The following TENM2 variants were observed in gnomAD, a reference collection of about 807,000 sequenced individuals.
TENM2 encodes the protein teneurin-2.
TENM2 carries 52 observed loss-of-function variants against 245.2 expected under a neutral mutation model. The ratio of observed to expected loss-of-function variants is 0.21; its 90% CI spans 0.17 to 0.27. The LOEUF is 0.27. TENM2 is among the 10% of genes least tolerant of loss of function. TENM2 has a pLI of 1.00. For missense variants in TENM2, 3,046 were observed against 3,666.8 expected, an observed-to-expected ratio of 0.83 and a Z score of 4.37; for synonymous variants, 1,363 against 1,438.9, an observed-to-expected ratio of 0.95 and a Z score of 1.19.
chr5:167,338,329 C>T lies in TENM2; in HGVS notation c.227-36869C>T, dbSNP rs377143420. Reference sequence around the variant, plus strand: ...TATCAACCCTAACAATGAAAAGTCTCAGTGATTTAAACAACACATTCATTC... The same window carrying T: ...TATCAACCCTAACAATGAAAAGTCTTAGTGATTTAAACAACACATTCATTC... On this transcript the variant is annotated intron_variant, in intron 1 of 28. Coordinates refer to ENST00000518659, the Ensembl canonical transcript of TENM2. Among the ~76,000 whole-genome samples the T allele has an allele frequency of 3.9e-5, 6 of 152,284 alleles. No individual in the cohort carries two copies. The South Asian group carries it at 1.0e-3, about 26-fold the overall frequency.
At chr5:167,339,251 A>G (rs763774350) in intron 1 of TENM2, among the ~76,000 whole-genome samples, 4 of 152,210 alleles carry the variant, frequency 2.6e-5, no homozygotes, top group Non-Finnish European at 5.9e-5. Flanking sequence ...GACAAGTTAT[A>G]TGCTTTCAAA....
At chr5:168,128,446 T>A (rs1796009637) in intron 12 of TENM2, among the ~76,000 whole-genome samples, 1 of 152,176 alleles carries the variant, frequency 6.6e-6, no homozygotes, top group Non-Finnish European at 1.5e-5. Context: ...AATCCTCCCC[T>A]CAAAAGCTCT....
chr5:167,968,024 C>A (rs1315012530), intron 4 of TENM2, among the ~76,000 whole-genome samples: 3 of 152,150 alleles, frequency 2.0e-5, no homozygotes, highest in African/African-American at 7.2e-5. Context: ...TGCAACTTTT[C>A]TGAAGGCACC....
intron 2 of TENM2, among the ~76,000 whole-genome samples, chr5:167,781,611 A>G (rs755593014): frequency 1.3e-5 from 2 of 152,206 alleles, no homozygotes; most frequent in Admixed American, 6.5e-5. Flanking sequence ...AGAATAAATG[A>G]AAGTGATCAG....
At chr5:167,782,400 C>A (rs1484856784) in intron 2 of TENM2, among the ~76,000 whole-genome samples, 2 of 150,066 alleles carry the variant, frequency 1.3e-5, no homozygotes, top group Admixed American at 6.6e-5. Flanking sequence ...CATTGTTCAT[C>A]AAACTTGGCC....
At position 167,292,783 on chromosome 5, in the gene TENM2, A is replaced by G. The variant is rs553919820; in HGVS notation, c.226+7720A>G. Among the ~76,000 whole-genome samples the G allele has an allele frequency of 2.0e-5, 3 of 152,360 alleles. No individual in the cohort carries two copies. In the South Asian group the frequency reaches 6.2e-4, roughly 32 times the overall value. On this transcript the variant is annotated intron_variant, in intron 1 of 28. Transcript: ENST00000518659. ...CTAGGTACCTTATAAAAAACACTAC[A>G]AAAGGGATAATATTGGATGGTTTTG...
At chr5:166,993,585 A>G in the TENM2 span, among the ~76,000 whole-genome samples, 1 of 152,210 alleles carries the variant, frequency 6.6e-6, no homozygotes, top group Non-Finnish European at 1.5e-5. Context: ...ACCATGACTC[A>G]TGGGGAAAAC....
intron 2 of TENM2, among the ~76,000 whole-genome samples, chr5:167,750,240 C>G (rs1041232136): frequency 6.6e-5 from 10 of 152,104 alleles, no homozygotes; most frequent in African/African-American, 2.4e-4. Flanking sequence ...TCCCCATCAC[C>G]CTTCCCTTGC....
At chr5:167,249,743 A>G in the TENM2 span, among the ~76,000 whole-genome samples, 5 of 152,158 alleles carry the variant, frequency 3.3e-5, no homozygotes, top group Non-Finnish European at 7.4e-5. Context: ...CAAGGAATCA[A>G]GACAGACTTC....
At chr5:167,478,120 T>A (rs1767514092) in intron 2 of TENM2, among the ~76,000 whole-genome samples, 2 of 152,134 alleles carry the variant, frequency 1.3e-5, no homozygotes, top group Non-Finnish European at 2.9e-5. Flanking sequence ...GAAGTTGCAG[T>A]GTGGTTCTTG....
chr5:167,786,794 T>C (rs1490017634), intron 2 of TENM2, among the ~76,000 whole-genome samples: 2 of 152,198 alleles, frequency 1.3e-5, no homozygotes, highest in Non-Finnish European at 2.9e-5. Context: ...ACTTAGCACA[T>C]AGGGGTTTGG....
At chr5:167,910,012 C>T (rs1018249580) in intron 3 of TENM2, among the ~76,000 whole-genome samples, 3 of 150,696 alleles carry the variant, frequency 2.0e-5, no homozygotes, top group African/African-American at 7.3e-5. Context: ...TTATATAATA[C>T]TGACCTATGA....
chr5:167,503,517 C>CTTT (rs35774602), intron 2 of TENM2, among the ~76,000 whole-genome samples: 1 of 146,604 alleles, frequency 6.8e-6, no homozygotes, highest in African/African-American at 2.5e-5. Flanking sequence ...TAATGTCTTC[C>CTTT]TTTTTTTTTT....
chr5:167,305,380 A>C (rs149560958), intron 1 of TENM2, among the ~76,000 whole-genome samples: 2 of 152,302 alleles, frequency 1.3e-5, no homozygotes, highest in African/African-American at 4.8e-5. Context: ...TCCTATAAGC[A>C]CCCACCTTGC....
At chr5:167,328,365 C>T (rs1470434886) in intron 1 of TENM2, among the ~76,000 whole-genome samples, 1 of 151,962 alleles carries the variant, frequency 6.6e-6, no homozygotes, top group Non-Finnish European at 1.5e-5. Context: ...CACCACCATG[C>T]CCAGCTAATT....
At chr5:167,590,698 C>G (rs886437170) in intron 2 of TENM2, among the ~76,000 whole-genome samples, 5 of 151,906 alleles carry the variant, frequency 3.3e-5, no homozygotes, top group African/African-American at 1.2e-4. Context: ...TAACTTGAGT[C>G]TCTTTAATTT....
intron 5 of TENM2, among the ~76,000 whole-genome samples, chr5:167,994,386 C>G (rs957126083): frequency 6.6e-6 from 1 of 152,348 alleles, no homozygotes; most frequent in East Asian, 1.9e-4. Context: ...GGCTCCCACA[C>G]TTCCTTCATC....
chr5:167,863,265 T>C (rs1771992552), intron 2 of TENM2, among the ~76,000 whole-genome samples: 1 of 152,186 alleles, frequency 6.6e-6, no homozygotes, highest in Non-Finnish European at 1.5e-5. Flanking sequence ...TATTAGTCTC[T>C]TCCATGGCAA....
At chr5:167,411,985 C>T (rs1327263340) in intron 2 of TENM2, among the ~76,000 whole-genome samples, 1 of 152,002 alleles carries the variant, frequency 6.6e-6, no homozygotes, top group African/African-American at 2.4e-5. Context: ...TGATAAAAAA[C>T]ATTATCAGTG....
Sources: allele counts gnomAD v4.1 joint callset (sites outside exome capture counted in the v4.1 genomes callset), GRCh38; gene constraint gnomAD v4.1.1; transcripts MANE v1.5; gene names NCBI Gene and HGNC (gene_info 2026-07-23, HGNC 2026-07-21).